RBFOX1: variants seen among roughly 807,000 people sequenced by gnomAD.
The protein encoded by RBFOX1 is RNA binding fox-1 homolog 1, also known as RNA binding protein fox-1 homolog 1.
A neutral mutation model predicts 57.7 loss-of-function variants in RBFOX1; 8 were observed. That is an observed-to-expected ratio of 0.14 (90% CI 0.08 to 0.25). RBFOX1 has a LOEUF of 0.25. RBFOX1 is among the 10% of genes least tolerant of loss of function. The pLI, the probability that RBFOX1 is intolerant of heterozygous loss-of-function variation, is 1.00. For missense variants in RBFOX1, 611 were observed against 548.5 expected (o/e 1.11, Z -1.14); for synonymous variants, 326 against 222.4 (o/e 1.47, Z -4.15).
At chr16:5,723,396 CT>C (rs2052009997) in intron 3 of RBFOX1, among the ~76,000 whole-genome samples, 2 of 84,034 alleles carry the variant, frequency 2.4e-5, no homozygotes, top group African/African-American at 7.5e-5. Context: ...TAAACAGTGG[CT>C]ATCTCAAGCT....
At chr16:6,717,032 G>A (rs12927223) in intron 3 of RBFOX1, among the ~76,000 whole-genome samples, 1 of 151,970 alleles carries the variant, frequency 6.6e-6, no homozygotes, top group Non-Finnish European at 1.5e-5. Flanking sequence ...TCTCAACCAT[G>A]TGAGGATACA....
intron 1 of RBFOX1, among the ~76,000 whole-genome samples, chr16:5,422,594 G>A (rs183844921): frequency 8.5e-6 from 1 of 117,350 alleles, no homozygotes; most frequent in Non-Finnish European, 1.8e-5. Flanking sequence ...AGGAAGCGAG[G>A]ACAGGAGGAA....
At chr16:6,245,725 G>C (rs975919634) in intron 1 of RBFOX1, among the ~76,000 whole-genome samples, 1 of 152,116 alleles carries the variant, frequency 6.6e-6, no homozygotes, top group South Asian at 2.1e-4. Flanking sequence ...AAAGCTCTGA[G>C]AACTAAAGAC....
chr16:6,661,310 A>G (rs1218160592), intron 3 of RBFOX1, among the ~76,000 whole-genome samples: 1 of 152,214 alleles, frequency 6.6e-6, no homozygotes, highest in Non-Finnish European at 1.5e-5. Flanking sequence ...CGGTCTATGA[A>G]AGGCCCTCCT....
intron 3 of RBFOX1, among the ~76,000 whole-genome samples, chr16:6,679,878 G>GGTTTTTTTTTTTTTTT (rs1487919870): frequency 2.6e-5 from 3 of 114,304 alleles, no homozygotes; most frequent in African/African-American, 7.8e-5. Flanking sequence ...GTTTCTACTT[G>GGTTTTTTTTTTTTTTT]TTTTTTTTTT....
chr16:7,034,039 C>T (rs1044685031), intron 3 of RBFOX1, among the ~76,000 whole-genome samples: 2 of 152,110 alleles, frequency 1.3e-5, no homozygotes, highest in South Asian at 2.1e-4. Context: ...CTCTCCATTG[C>T]GGAGATGAGG....
chr16:7,065,198 T>C (rs892713965), intron 4 of RBFOX1, among the ~76,000 whole-genome samples: 1 of 152,218 alleles, frequency 6.6e-6, no homozygotes, highest in African/African-American at 2.4e-5. Context: ...TTCTAATATT[T>C]CATGGTTTAG....
intron 3 of RBFOX1, among the ~76,000 whole-genome samples, chr16:6,928,871 C>T (rs1394184925): frequency 6.6e-6 from 1 of 152,164 alleles, no homozygotes; most frequent in East Asian, 1.9e-4. Flanking sequence ...CCACCATCAT[C>T]ACCACAGAAA....
intron 4 of RBFOX1, among the ~76,000 whole-genome samples, chr16:5,965,043 C>G (rs189943375): frequency 1.3e-5 from 2 of 152,160 alleles, no homozygotes; most frequent in East Asian, 3.9e-4. Context: ...CAGAAAGACA[C>G]AAATACTCTA....
intron 2 of RBFOX1, among the ~76,000 whole-genome samples, chr16:5,578,772 C>T (rs528264474): frequency 5.0e-4 from 76 of 151,484 alleles, no homozygotes; most frequent in African/African-American, 1.6e-3. Context: ...ATATCTCCAC[C>T]GGGCCAGGGT....
At chr16:6,759,164 T>A (rs1333091674) in intron 3 of RBFOX1, among the ~76,000 whole-genome samples, 1 of 147,710 alleles carries the variant, frequency 6.8e-6, no homozygotes, top group East Asian at 2.0e-4. Flanking sequence ...TTTTTTTTCT[T>A]TTGTGAGACA....
In RBFOX1 at chr16:5,414,139, G is replaced by A. The variant is rs540225329; in HGVS notation, c.220-53077G>A. 7.2e-5 allele frequency among the ~76,000 whole-genome samples: 11 copies of A among 152,266 alleles called. No individual in the cohort carries two copies. In the East Asian group the frequency reaches 1.2e-3, roughly 16 times the overall value. On this transcript the variant is annotated intron_variant, in intron 1 of 2. Coordinates refer to the RBFOX1 transcript ENST00000585867. ...AGTGCACTCCCGACCTGAACACACC[G>A]TGGTTCTAACAATCATTGCGCCAAG...
chr16:5,673,010 A>G (rs1188154365), intron 3 of RBFOX1, among the ~76,000 whole-genome samples: 1 of 152,000 alleles, frequency 6.6e-6, no homozygotes, highest in East Asian at 1.9e-4. Context: ...GGCTGCAGAG[A>G]AGCCTCCACT....
chr16:6,578,731 G>C (rs2153969117), intron 2 of RBFOX1, among the ~76,000 whole-genome samples: 1 of 152,094 alleles, frequency 6.6e-6, no homozygotes, highest in Middle Eastern at 3.4e-3. Flanking sequence ...TTTATTTCAA[G>C]TCAGTTATCC....
At chr16:7,046,082 G>A (rs1462838049) in intron 3 of RBFOX1, among the ~76,000 whole-genome samples, 1 of 151,658 alleles carries the variant, frequency 6.6e-6, no homozygotes, top group Non-Finnish European at 1.5e-5. Flanking sequence ...TGCCCTGTAT[G>A]TCACAAAGGA....
intron 1 of RBFOX1, among the ~76,000 whole-genome samples, chr16:6,053,143 G>A (rs1225580592): frequency 6.6e-6 from 1 of 152,142 alleles, no homozygotes; most frequent in South Asian, 2.1e-4. Context: ...CACACAGTGA[G>A]GCCTCCGCTA....
intron 3 of RBFOX1, among the ~76,000 whole-genome samples, chr16:5,679,577 C>G (rs1247152030): frequency 1.3e-5 from 2 of 152,134 alleles, no homozygotes. Context: ...TTGTTCAACT[C>G]CCACTTATGA....
chr16:7,443,336 G>A (rs2098783832), intron 4 of RBFOX1, among the ~76,000 whole-genome samples: 2 of 152,114 alleles, frequency 1.3e-5, no homozygotes, highest in South Asian at 2.1e-4. Flanking sequence ...TGTGCTGAGT[G>A]AATTCCTACC....
intron 3 of RBFOX1, among the ~76,000 whole-genome samples, chr16:6,820,682 A>ACAAG (rs2091126696): frequency 6.6e-6 from 1 of 151,710 alleles, no homozygotes; most frequent in Non-Finnish European, 1.5e-5. Context: ...AGCAAAACAA[A>ACAAG]CAAACAAAAA....
Sources: allele counts gnomAD v4.1 joint callset (sites outside exome capture counted in the v4.1 genomes callset), GRCh38; gene constraint gnomAD v4.1.1; transcripts MANE v1.5; gene names NCBI Gene and HGNC (gene_info 2026-07-23, HGNC 2026-07-21).